The following IGSF21 variants were observed in gnomAD, a reference collection of about 807,000 sequenced individuals.
IGSF21 encodes immunoglobin superfamily member 21.
Under a neutral mutation model 46.8 loss-of-function variants are expected in IGSF21, and 28 were observed. The observed-to-expected ratio is 0.60, with a 90% CI of 0.44 to 0.82. IGSF21 has a LOEUF of 0.82. Among genes scored for constraint, IGSF21 ranks in the 40% least tolerant of loss-of-function variants. The pLI, the probability that IGSF21 is intolerant of heterozygous loss-of-function variation, is 0.00. For missense variants in IGSF21, 624 were observed against 665.5 expected (o/e 0.94, Z 0.69); for synonymous variants, 284 against 273.6 (o/e 1.04, Z -0.38).
intron 2 of IGSF21, among the ~76,000 whole-genome samples, chr1:18,252,716 C>A (rs1175591950): frequency 6.6e-6 from 1 of 152,216 alleles, no homozygotes; most frequent in Non-Finnish European, 1.5e-5. Flanking sequence ...CCAAATCTGT[C>A]TGCTGCTCTT....
intron 1 of IGSF21, among the ~76,000 whole-genome samples, chr1:18,189,268 A>G (rs1222667501): frequency 1.3e-5 from 2 of 152,090 alleles, no homozygotes; most frequent in African/African-American, 2.4e-5. Context: ...CTAAATTTGG[A>G]TCATGAGTTT....
intron 7 of IGSF21, 136 bp from the exon 8 acceptor site, chr1:18,376,664 T>C: frequency 1.3e-6 from 1 of 783,478 alleles, no homozygotes. Context: ...CTCCTCCTCC[T>C]GGAGTTCAGG....
At chr1:18,270,797 T>A (rs2085035589) in intron 2 of IGSF21, among the ~76,000 whole-genome samples, 1 of 151,746 alleles carries the variant, frequency 6.6e-6, no homozygotes, top group Admixed American at 6.6e-5. Context: ...AAAAGGAAAC[T>A]ACCCAAACTG....
intron 1 of IGSF21, among the ~76,000 whole-genome samples, chr1:18,131,262 A>T (rs1274086437): frequency 1.3e-5 from 2 of 152,004 alleles, no homozygotes. Flanking sequence ...TCAGACATAA[A>T]CTCCCAACCC....
intron 1 of IGSF21, among the ~76,000 whole-genome samples, chr1:18,125,535 T>A (rs1345505739): frequency 6.6e-6 from 1 of 152,240 alleles, no homozygotes; most frequent in African/African-American, 2.4e-5. Flanking sequence ...GGCAGAGCCA[T>A]ACCTGCTCAG....
chr1:18,225,032 T>C (rs1198240628), intron 1 of IGSF21, among the ~76,000 whole-genome samples: 1 of 146,382 alleles, frequency 6.8e-6, no homozygotes, highest in Non-Finnish European at 1.5e-5. Flanking sequence ...ACCACTGCAC[T>C]CCAGCCTGGA....
At chr1:18,328,855 G>A (rs532625691) in intron 3 of IGSF21, among the ~76,000 whole-genome samples, 1 of 152,282 alleles carries the variant, frequency 6.6e-6, no homozygotes, top group Admixed American at 6.5e-5. Context: ...GGCAAAACCA[G>A]GAAAGGAAAG....
At chr1:18,364,499 C>G (rs186981013) in intron 5 of IGSF21, among the ~76,000 whole-genome samples, 881 of 151,654 alleles carry the variant, frequency 5.8e-3, no homozygotes, top group Non-Finnish European at 8.4e-3. Context: ...CTCCCGCCCC[C>G]CTATCGATTT....
intron 3 of IGSF21, among the ~76,000 whole-genome samples, chr1:18,303,960 T>C (rs1162868140): frequency 6.6e-6 from 1 of 152,162 alleles, no homozygotes; most frequent in African/African-American, 2.4e-5. Context: ...TGAGGAGTCA[T>C]TGAAATTGAC....
At chr1:18,200,311 T>G (rs2087058709) in intron 1 of IGSF21, among the ~76,000 whole-genome samples, 1 of 152,222 alleles carries the variant, frequency 6.6e-6, no homozygotes, top group Non-Finnish European at 1.5e-5. Flanking sequence ...CGCCCCCCTT[T>G]GCTTCCTACC....
intron 4 of IGSF21, among the ~76,000 whole-genome samples, chr1:18,348,528 A>C (rs1256933034): frequency 6.6e-6 from 1 of 152,164 alleles, no homozygotes; most frequent in East Asian, 1.9e-4. Flanking sequence ...GCAGAAGGTA[A>C]ACTTCCCCTC....
intron 1 of IGSF21, among the ~76,000 whole-genome samples, chr1:18,174,451 G>A (rs931846736): frequency 2.6e-4 from 40 of 152,270 alleles, no homozygotes; most frequent in South Asian, 4.1e-4. Context: ...CTGAAGGCTC[G>A]AGGAAGAGGA....
chr1:18,227,232 A>T (rs61762151), intron 1 of IGSF21, among the ~76,000 whole-genome samples: 4 of 151,924 alleles, frequency 2.6e-5, no homozygotes, highest in Admixed American at 6.6e-5. Flanking sequence ...AAGCCAATGG[A>T]GGGTGTTAAG....
At chr1:18,134,434 T>A (rs1041135993) in intron 1 of IGSF21, among the ~76,000 whole-genome samples, 1 of 152,284 alleles carries the variant, frequency 6.6e-6, no homozygotes, top group East Asian at 1.9e-4. Context: ...CTCTGGTTCT[T>A]CTCTGTGACC....
intron 2 of IGSF21, among the ~76,000 whole-genome samples, chr1:18,249,016 A>T (rs2084811193): frequency 6.6e-6 from 1 of 152,140 alleles, no homozygotes; most frequent in Non-Finnish European, 1.5e-5. Flanking sequence ...GCCTCCTAAA[A>T]TGAGAGAAAG....
At chr1:18,219,788 C>A (rs796432102) in intron 1 of IGSF21, among the ~76,000 whole-genome samples, 137 of 152,238 alleles carry the variant, frequency 9.0e-4, no homozygotes, top group African/African-American at 3.2e-3. Context: ...GGGTTCCCTA[C>A]CCAGGACTTA....
chr1:18,286,917 C>T (rs892624169), intron 2 of IGSF21, among the ~76,000 whole-genome samples: 1 of 152,188 alleles, frequency 6.6e-6, no homozygotes, highest in Non-Finnish European at 1.5e-5. Context: ...CACAGTGGCT[C>T]ACGCCTGTAA....
chr1:18,184,010 C>T (rs534623633), intron 1 of IGSF21, among the ~76,000 whole-genome samples: 1 of 152,198 alleles, frequency 6.6e-6, no homozygotes, highest in Admixed American at 6.5e-5. Context: ...AACACCAGTT[C>T]AAGCATTCAC....
intron 2 of IGSF21, among the ~76,000 whole-genome samples, chr1:18,267,745 C>T (rs1047127462): frequency 2.0e-5 from 3 of 152,220 alleles, no homozygotes; most frequent in Admixed American, 6.5e-5. Flanking sequence ...GTTGGAGGAG[C>T]TCATTCTGCA....
Sources: gnomAD v4.1 joint callset for allele counts (sites outside exome capture counted in the v4.1 genomes callset) on GRCh38, gnomAD v4.1.1 for gene constraint, MANE v1.5 for transcripts, NCBI Gene and HGNC (gene_info 2026-07-23, HGNC 2026-07-21) for gene names.